The following NCKAP5 variants were observed in gnomAD, a reference collection of about 807,000 sequenced individuals.
NCKAP5 encodes the protein nck-associated protein 5.
A neutral mutation model predicts 167.0 loss-of-function variants in NCKAP5; 92 were observed. The ratio of observed to expected loss-of-function variants is 0.55; its 90% CI spans 0.47 to 0.66. NCKAP5 has a LOEUF of 0.66. Ranked by LOEUF, NCKAP5 falls within the 30% of genes least tolerant of loss-of-function variation. The pLI is 0.00. For synonymous variants in NCKAP5, 891 were observed against 877.4 expected, an observed-to-expected ratio of 1.02 and a Z score of -0.27; for missense variants, 2,378 against 2,315.0, an observed-to-expected ratio of 1.03 and a Z score of -0.56.
At chr2:132,992,789 T>A (rs1202635751) in intron 7 of NCKAP5, among the ~76,000 whole-genome samples, 1 of 152,172 alleles carries the variant, frequency 6.6e-6, no homozygotes, top group Non-Finnish European at 1.5e-5. Flanking sequence ...TAGAAATTGA[T>A]CTTAGTGATT....
At chr2:133,084,403 CTTATT>C (rs1214442984) in intron 6 of NCKAP5, among the ~76,000 whole-genome samples, 1 of 152,112 alleles carries the variant, frequency 6.6e-6, no homozygotes, top group Non-Finnish European at 1.5e-5. Flanking sequence ...TTCAGACAGG[CTTATT>C]TTCAAATCTG....
the NCKAP5 span, among the ~76,000 whole-genome samples, chr2:133,627,022 A>G: frequency 2.0e-5 from 3 of 152,058 alleles, no homozygotes; most frequent in Non-Finnish European, 4.4e-5. Flanking sequence ...AATAATTATT[A>G]TTTCCTTGGT....
chr2:133,356,932 T>C (rs746134144), intron 3 of NCKAP5, among the ~76,000 whole-genome samples: 3 of 152,166 alleles, frequency 2.0e-5, no homozygotes, highest in African/African-American at 7.2e-5. Flanking sequence ...TCAAAGACAA[T>C]TGATAGCTAG....
chr2:133,558,955 G>A (rs1038904633), intron 2 of NCKAP5, 95 bp downstream of exon 2: 5 of 151,860 alleles, frequency 3.3e-5, no homozygotes, highest in African/African-American at 9.7e-5. Flanking sequence ...GAAGTACAAG[G>A]GCCTACGTCG....
rs756460290 is a variant in NCKAP5 at position 133,225,004 on chromosome 2, A to G, written c.144-11225T>C. Among the ~76,000 whole-genome samples the G allele has an allele frequency of 4.5e-4, 69 of 152,288 alleles. No individual in the cohort carries two copies. The Middle Eastern group carries it at 0.014, about 30-fold the overall frequency. ...CTCTCTAAGAAACTTGGAATTCCCTATGTTTCCAGGTATACCCCTGCCTCT... is the reference window on the plus strand; with the variant it reads ...CTCTCTAAGAAACTTGGAATTCCCTGTGTTTCCAGGTATACCCCTGCCTCT... On this transcript the variant is annotated intron_variant, in intron 4 of 19. Coordinates refer to ENST00000409261, the MANE Select transcript of NCKAP5 (RefSeq NM_207363.3).
intron 6 of NCKAP5, among the ~76,000 whole-genome samples, chr2:133,044,055 G>A (rs1397245375): frequency 6.6e-6 from 1 of 152,158 alleles, no homozygotes. Flanking sequence ...GATATGTGAT[G>A]TAATTGGCAT....
At position 132,677,255 on chromosome 2, in the gene NCKAP5, C is replaced by A. The variant is rs558997951; in HGVS notation, c.5714-3950G>T. 3.9e-5 allele frequency among the ~76,000 whole-genome samples: 6 copies of A among 152,076 alleles called. No individual in the cohort carries two copies. In the East Asian group the frequency reaches 1.2e-3, roughly 29 times the overall value. On this transcript the variant is annotated intron_variant, in intron 19 of 19. Transcript: ENST00000409261. ...ACTTGGGAATAAAAGTAGGGCTAAA[C>A]AGACAAGATGCAAATACATTTTCAA...
intron 19 of NCKAP5, among the ~76,000 whole-genome samples, chr2:132,716,048 A>C (rs779419733): frequency 3.3e-5 from 5 of 152,188 alleles, no homozygotes; most frequent in African/African-American, 4.8e-5. Context: ...TTGACTCTGC[A>C]CAGCAGATTA....
chr2:133,187,734 GCCTTCTTT>G (rs1224801928), intron 5 of NCKAP5, among the ~76,000 whole-genome samples: 1 of 151,896 alleles, frequency 6.6e-6, no homozygotes, highest in African/African-American at 2.4e-5. Context: ...CAGTGAGATG[GCCTTCTTT>G]GTCTCTTTTG....
At chr2:133,409,133 AG>A in intron 3 of NCKAP5, among the ~76,000 whole-genome samples, 1 of 152,350 alleles carries the variant, frequency 6.6e-6, no homozygotes, top group East Asian at 1.9e-4. Flanking sequence ...TCTTTTTGGC[AG>A]ATACTGAAGC....
chr2:133,437,952 A>C (rs762217123), intron 3 of NCKAP5, among the ~76,000 whole-genome samples: 16 of 150,152 alleles, frequency 1.1e-4, no homozygotes, highest in Non-Finnish European at 1.8e-4. Context: ...CAAATATTTC[A>C]TTTGAAGAAG....
At chr2:133,111,669 A>G (rs1384099446) in intron 6 of NCKAP5, among the ~76,000 whole-genome samples, 1 of 152,162 alleles carries the variant, frequency 6.6e-6, no homozygotes, top group Non-Finnish European at 1.5e-5. Context: ...TAGCGGCATA[A>G]CCCTAAGCAG....
intron 8 of NCKAP5, among the ~76,000 whole-genome samples, chr2:132,880,715 C>G (rs1162743266): frequency 1.3e-5 from 2 of 152,142 alleles, no homozygotes; most frequent in Admixed American, 1.3e-4. Flanking sequence ...CATTCTATAC[C>G]TGTAACAAAA....
the NCKAP5 span, among the ~76,000 whole-genome samples, chr2:133,620,738 A>T: frequency 3.9e-5 from 6 of 152,174 alleles, no homozygotes; most frequent in African/African-American, 1.4e-4. Flanking sequence ...ACAAAGAAAC[A>T]ATGGACTTAA....
chr2:133,296,406 T>C (rs1679964937), intron 4 of NCKAP5, among the ~76,000 whole-genome samples: 1 of 151,556 alleles, frequency 6.6e-6, no homozygotes, highest in Non-Finnish European at 1.5e-5. Flanking sequence ...GAGGCTGATT[T>C]GGGTAGTAGT....
intron 3 of NCKAP5, among the ~76,000 whole-genome samples, chr2:133,485,110 G>A (rs574418137): frequency 2.6e-5 from 4 of 152,294 alleles, no homozygotes; most frequent in African/African-American, 7.2e-5. Flanking sequence ...AATGAGGTCA[G>A]TGCTCAGTAA....
chr2:133,138,109 T>C (rs2082861944), intron 5 of NCKAP5, among the ~76,000 whole-genome samples: 1 of 152,082 alleles, frequency 6.6e-6, no homozygotes, highest in South Asian at 2.1e-4. Context: ...CTGGTACTGA[T>C]AGTGCTTGGT....
intron 3 of NCKAP5, among the ~76,000 whole-genome samples, chr2:133,510,850 T>C (rs964592195): frequency 6.6e-6 from 1 of 152,336 alleles, no homozygotes; most frequent in African/African-American, 2.4e-5. Flanking sequence ...CTTGAGGAAG[T>C]TGATGAACTT....
At chr2:132,730,981 C>T (rs1263313357) in intron 17 of NCKAP5, among the ~76,000 whole-genome samples, 1 of 152,194 alleles carries the variant, frequency 6.6e-6, no homozygotes, top group African/African-American at 2.4e-5. Context: ...AGCATAATCT[C>T]CACTTGCAGC....
Sources: allele counts gnomAD v4.1 joint callset (sites outside exome capture counted in the v4.1 genomes callset), GRCh38; gene constraint gnomAD v4.1.1; transcripts MANE v1.5; gene names NCBI Gene and HGNC (gene_info 2026-07-23, HGNC 2026-07-21).